The following ACTL8 variants were observed in gnomAD, a reference collection of about 807,000 sequenced individuals.
The protein encoded by ACTL8 is actin like 8.
ACTL8 carries 3 observed loss-of-function variants against 9.3 expected under a neutral mutation model. The ratio of observed to expected loss-of-function variants is 0.32; its 90% CI spans 0.15 to 0.83. ACTL8 has a LOEUF of 0.83. Among genes scored for constraint, ACTL8 ranks in the 40% least tolerant of loss-of-function variants. The pLI, the probability that ACTL8 is intolerant of heterozygous loss-of-function variation, is 0.57. For missense variants in ACTL8, 381 were observed against 492.2 expected, an observed-to-expected ratio of 0.77 and a Z score of 2.14; for synonymous variants, 224 against 205.9, an observed-to-expected ratio of 1.09 and a Z score of -0.75.
chr1:17,764,318 C>A (rs1306505750), intron 1 of ACTL8, among the ~76,000 whole-genome samples: 1 of 152,208 alleles, frequency 6.6e-6, no homozygotes, highest in Non-Finnish European at 1.5e-5. Flanking sequence ...GGTTGAGACA[C>A]CCTCAAGCTC....
At chr1:17,803,673 C>T (rs1032122441) in intron 1 of ACTL8, among the ~76,000 whole-genome samples, 69 of 152,186 alleles carry the variant, frequency 4.5e-4, no homozygotes, top group African/African-American at 1.5e-3. Context: ...CGGACTAATA[C>T]ACCTGCCAAG....
At chr1:17,772,676 G>T (rs945302294) in intron 1 of ACTL8, among the ~76,000 whole-genome samples, 2 of 152,210 alleles carry the variant, frequency 1.3e-5, no homozygotes, top group Non-Finnish European at 2.9e-5. Flanking sequence ...CGAGAGGGGA[G>T]CAGTGATGTT....
chr1:17,775,125 G>C (rs1273351576), intron 1 of ACTL8, among the ~76,000 whole-genome samples: 1 of 152,214 alleles, frequency 6.6e-6, no homozygotes, highest in Non-Finnish European at 1.5e-5. Flanking sequence ...CCTTACATCA[G>C]AGCAAAATTT....
intron 1 of ACTL8, among the ~76,000 whole-genome samples, chr1:17,788,209 T>C (rs2066212111): frequency 6.6e-6 from 1 of 152,244 alleles, no homozygotes. Context: ...GTTTATGATA[T>C]CCTTTGCTAT....
intron 1 of ACTL8, among the ~76,000 whole-genome samples, chr1:17,796,764 A>G (rs1304971585): frequency 6.6e-6 from 1 of 152,230 alleles, no homozygotes; most frequent in African/African-American, 2.4e-5. Flanking sequence ...GACCTCTTCA[A>G]GCTTCTTCAG....
At chr1:17,775,774 C>T (rs2066114690) in intron 1 of ACTL8, among the ~76,000 whole-genome samples, 1 of 152,202 alleles carries the variant, frequency 6.6e-6, no homozygotes, top group Non-Finnish European at 1.5e-5. Context: ...TCCTTGAGGC[C>T]TCTCCTCTCC....
chr1:17,762,165 G>C (rs886271000), intron 1 of ACTL8, among the ~76,000 whole-genome samples: 1 of 151,994 alleles, frequency 6.6e-6, no homozygotes, highest in Non-Finnish European at 1.5e-5. Flanking sequence ...CCTGGAGTCC[G>C]GCATAACTGA....
intron 1 of ACTL8, among the ~76,000 whole-genome samples, chr1:17,812,858 G>A (rs1411351838): frequency 2.0e-5 from 3 of 152,036 alleles, no homozygotes; most frequent in Non-Finnish European, 2.9e-5. Flanking sequence ...CACATTTAAT[G>A]TTTTGTTAGA....
chr1:17,756,032 G>A (rs2065967271), intron 1 of ACTL8, among the ~76,000 whole-genome samples: 2 of 152,018 alleles, frequency 1.3e-5, no homozygotes, highest in African/African-American at 2.4e-5. Flanking sequence ...TGGCAGGAGG[G>A]TGTCTCTTCG....
intron 1 of ACTL8, among the ~76,000 whole-genome samples, chr1:17,799,062 A>C (rs533517468): frequency 2.0e-5 from 3 of 152,088 alleles, no homozygotes; most frequent in Non-Finnish European, 4.4e-5. Flanking sequence ...CTGGTTTTCC[A>C]CTTTACTAAT....
chr1:17,825,917 C>T lies in ACTL8; in HGVS notation c.499C>T (p.Pro167Ser). The change falls in exon 3 of 3, where the codon CCC becomes TCC. Residue 167 changes from proline to serine, a missense_variant. Transcript: ENST00000375406. ...GCCTTTCCACCAGGGCCGCCCCTTG[C>T]CCGCCAGCGGCAAGACGCTGGAGTT... ...VQPFHQGRPL[P>S]ASGKTLEFAG... 3 of 1,612,738 alleles carry T rather than the reference C, an allele frequency of 1.9e-6. No individual in the cohort carries two copies. The highest frequency in any genetic ancestry group is 2.5e-6 in the Non-Finnish European group (3 of 1,180,012).
intron 1 of ACTL8, among the ~76,000 whole-genome samples, chr1:17,809,461 G>C (rs1238104829): frequency 1.3e-5 from 2 of 152,148 alleles, no homozygotes; most frequent in African/African-American, 4.8e-5. Flanking sequence ...CAGGGACAGA[G>C]AGAAAGGAAA....
chr1:17,802,247 T>A (rs2066326954), intron 1 of ACTL8, among the ~76,000 whole-genome samples: 1 of 152,180 alleles, frequency 6.6e-6, no homozygotes, highest in Admixed American at 6.5e-5. Context: ...CAGCACTACA[T>A]ACAACCAGCC....
rs752203532 is a variant in ACTL8 at position 17,767,685 on chromosome 1, T to A, written c.-25+12181T>A. Among the ~76,000 whole-genome samples, 16 of 152,210 alleles carry A rather than the reference T, an allele frequency of 1.1e-4. No homozygotes were observed. The highest frequency in any genetic ancestry group is 2.2e-4 in the Non-Finnish European group (15 of 68,040). On this transcript the variant is annotated intron_variant, in intron 1 of 2. Coordinates refer to ENST00000375406, the MANE Select transcript of ACTL8 (RefSeq NM_030812.3). This position sits in a 1 kb window ranked among gnomAD's most constrained non-coding sequence, Gnocchi z 4.7. ...TGTTTATCCTCCATAGGTGCTTTATTATTATTTTTGGCATCTGCAGAAATA... is the reference window on the plus strand; with the variant it reads ...TGTTTATCCTCCATAGGTGCTTTATAATTATTTTTGGCATCTGCAGAAATA...
chr1:17,780,449 C>T (rs1022952900), intron 1 of ACTL8, among the ~76,000 whole-genome samples: 3 of 152,144 alleles, frequency 2.0e-5, no homozygotes, highest in African/African-American at 7.2e-5. Context: ...TCACTGTAGC[C>T]TGGCCTCCTG....
chr1:17,809,417 T>C (rs570395617), intron 1 of ACTL8, among the ~76,000 whole-genome samples: 3 of 151,942 alleles, frequency 2.0e-5, no homozygotes, highest in South Asian at 4.2e-4. Context: ...AAGGCAAACA[T>C]AGGGGCTGAG....
intron 1 of ACTL8, among the ~76,000 whole-genome samples, chr1:17,774,108 C>T (rs781208770): frequency 1.3e-5 from 2 of 152,180 alleles, no homozygotes; most frequent in African/African-American, 4.8e-5. Flanking sequence ...CTGTCTCACA[C>T]TTGAGGACTG....
intron 1 of ACTL8, among the ~76,000 whole-genome samples, chr1:17,805,392 T>C (rs1186396104): frequency 3.6e-5 from 5 of 140,436 alleles, no homozygotes; most frequent in East Asian, 4.1e-4. Context: ...TTTTTTTTTT[T>C]TTTTTTTTTT....
intron 1 of ACTL8, among the ~76,000 whole-genome samples, chr1:17,808,214 G>A (rs554278013): frequency 6.6e-6 from 1 of 152,312 alleles, no homozygotes; most frequent in South Asian, 2.1e-4. Context: ...GAGCTTGTGT[G>A]TGCAAACATT....
Sources: allele counts gnomAD v4.1 joint callset (sites outside exome capture counted in the v4.1 genomes callset), GRCh38; gene constraint gnomAD v4.1.1; non-coding constraint Gnocchi (gnomAD v3.1); transcripts MANE v1.5; gene names NCBI Gene and HGNC (gene_info 2026-07-23, HGNC 2026-07-21).